The following KDM4C variants were observed in gnomAD, a reference collection of about 807,000 sequenced individuals.
KDM4C encodes lysine demethylase 4C.
KDM4C carries 81 observed loss-of-function variants against 129.3 expected under a neutral mutation model. That is an observed-to-expected ratio of 0.63 (90% CI 0.52 to 0.75). The LOEUF is 0.75. Among genes scored for constraint, KDM4C ranks in the 30% least tolerant of loss-of-function variants. The pLI, the probability that KDM4C is intolerant of heterozygous loss-of-function variation, is 0.00. For missense variants in KDM4C, 1,457 were observed against 1,304.0 expected (o/e 1.12, Z -1.81); for synonymous variants, 573 against 456.1 (o/e 1.26, Z -3.26).
At chr9:7,060,757 G>A (rs1014341722) in intron 17 of KDM4C, among the ~76,000 whole-genome samples, 2 of 152,148 alleles carry the variant, frequency 1.3e-5, no homozygotes, top group African/African-American at 4.8e-5. Flanking sequence ...TGGGATCATA[G>A]GTGTGAGCCA....
intron 15 of KDM4C, among the ~76,000 whole-genome samples, chr9:7,027,892 A>G (rs765090421): frequency 6.6e-6 from 1 of 152,204 alleles, no homozygotes; most frequent in Non-Finnish European, 1.5e-5. Flanking sequence ...CTCATGGAGA[A>G]TACTGCTGGG....
At chr9:6,985,164 A>G (rs1386750731) in intron 10 of KDM4C, among the ~76,000 whole-genome samples, 1 of 152,196 alleles carries the variant, frequency 6.6e-6, no homozygotes, top group Non-Finnish European at 1.5e-5. Context: ...TTATTCAGGA[A>G]TGTCAGCTGT....
At chr9:6,909,863 G>A (rs903239214) in intron 8 of KDM4C, among the ~76,000 whole-genome samples, 2 of 152,106 alleles carry the variant, frequency 1.3e-5, no homozygotes, top group Non-Finnish European at 2.9e-5. Flanking sequence ...TCCTTGAGTG[G>A]AGCAAGACTT....
intron 1 of KDM4C, among the ~76,000 whole-genome samples, chr9:6,784,716 G>T (rs1825106872): frequency 6.6e-6 from 1 of 152,218 alleles, no homozygotes; most frequent in African/African-American, 2.4e-5. Context: ...AATAAAAGCT[G>T]CTTGGACTTG....
At chr9:7,019,791 T>TATTTTTATATATAAAAATATTA (rs1563993611) in intron 15 of KDM4C, among the ~76,000 whole-genome samples, 1 of 58,502 alleles carries the variant, frequency 1.7e-5, no homozygotes, top group Non-Finnish European at 4.2e-5. Context: ...TAAAAATATT[T>TATTTTTATATATAAAAATATTA]TAGAAGCAAA....
intron 5 of KDM4C, among the ~76,000 whole-genome samples, chr9:6,865,896 G>T (rs996223386): frequency 9.9e-5 from 15 of 151,648 alleles, no homozygotes; most frequent in Admixed American, 9.2e-4. Context: ...GACTACAGGC[G>T]CCCGCCACCA....
At chr9:6,953,357 A>G (rs930448530) in intron 8 of KDM4C, among the ~76,000 whole-genome samples, 3 of 152,206 alleles carry the variant, frequency 2.0e-5, no homozygotes, top group African/African-American at 7.2e-5. Flanking sequence ...TGAGAGATTT[A>G]AACATAATTT....
chr9:6,788,498 C>A (rs1358495745), intron 1 of KDM4C, among the ~76,000 whole-genome samples: 1 of 152,194 alleles, frequency 6.6e-6, no homozygotes, highest in Non-Finnish European at 1.5e-5. Context: ...CTTTACCAGT[C>A]ATGCAAGTGA....
At chr9:7,027,700 G>C (rs1051264771) in intron 15 of KDM4C, among the ~76,000 whole-genome samples, 2 of 152,200 alleles carry the variant, frequency 1.3e-5, no homozygotes, top group African/African-American at 2.4e-5. Flanking sequence ...TGTGGGCCCA[G>C]GTGCGTACTG....
intron 15 of KDM4C, among the ~76,000 whole-genome samples, chr9:7,044,740 T>C (rs1564032959): frequency 6.6e-6 from 1 of 151,964 alleles, no homozygotes; most frequent in Non-Finnish European, 1.5e-5. Flanking sequence ...GTGTGAGCCA[T>C]TGGCCTATAG....
intron 17 of KDM4C, among the ~76,000 whole-genome samples, chr9:7,059,559 G>C (rs1001728977): frequency 6.6e-6 from 1 of 152,114 alleles, no homozygotes; most frequent in African/African-American, 2.4e-5. Context: ...TTGAAGTTTT[G>C]GTGAAGTATC....
intron 4 of KDM4C, chr9:6,835,240 C>T: frequency 1.1e-6 from 1 of 910,832 alleles, no homozygotes; most frequent in Non-Finnish European, 1.9e-6. Context: ...ACTCTTCCAG[C>T]TTTCCTTCCT....
chr9:7,013,918 A>G lies in KDM4C; in HGVS notation c.2099A>G (p.Tyr700Cys). ...ATTTATAGTGAAGAAAATATAGAAT[A>G]TTCTCCACCCAATGCCTTCCTTGAA... The part of the protein sequence containing the change: ...CFIYSEENIE[Y>C]SPPNAFLEED... Residue 700 changes from tyrosine to cysteine, a missense_variant, in exon 14 of 22, where the codon TAT (tyrosine) becomes TGT (cysteine). Transcript: ENST00000381309. 2 of 1,613,998 alleles carry G rather than the reference A, an allele frequency of 1.2e-6. No homozygotes were observed. The highest frequency in any genetic ancestry group is 1.7e-6 in the Non-Finnish European group (2 of 1,179,884).
At chr9:6,962,584 C>T (rs1830216942) in intron 8 of KDM4C, among the ~76,000 whole-genome samples, 1 of 152,020 alleles carries the variant, frequency 6.6e-6, no homozygotes, top group South Asian at 2.1e-4. Context: ...TACATTTTCA[C>T]ATAGTAAATT....
chr9:6,932,693 C>A (rs1435231729), intron 8 of KDM4C, among the ~76,000 whole-genome samples: 1 of 152,166 alleles, frequency 6.6e-6, no homozygotes, highest in Non-Finnish European at 1.5e-5. Flanking sequence ...CATTTCTACT[C>A]CTTCATTGGT....
chr9:7,163,939 G>A (rs980546749), intron 19 of KDM4C, among the ~76,000 whole-genome samples: 13 of 152,086 alleles, frequency 8.5e-5, no homozygotes, highest in African/African-American at 2.2e-4. Context: ...ATGAACAGCC[G>A]GGCCTTCCAT....
chr9:6,871,398 T>C (rs1447035535), intron 5 of KDM4C, among the ~76,000 whole-genome samples: 1 of 152,212 alleles, frequency 6.6e-6, no homozygotes, highest in African/African-American at 2.4e-5. Flanking sequence ...TTGTTTTCCT[T>C]GGCCTTCAAA....
At chr9:7,077,004 C>G in intron 17 of KDM4C, 1 of 985,520 alleles carries the variant, frequency 1.0e-6, no homozygotes, top group Non-Finnish European at 1.2e-6. Context: ...CTATGTCTGT[C>G]AGCCTGAATC....
chr9:6,893,944 T>A lies in KDM4C; in HGVS notation c.921+712T>A, dbSNP rs555780828. On this transcript the variant is annotated intron_variant, in intron 8 of 21. Coordinates refer to ENST00000381309, the MANE Select transcript of KDM4C (RefSeq NM_015061.6). ...GGTTTGCTTCCTTTCCTGTGGCTTT[T>A]AAGGGAAAGGTGCAGGCTGGCAGAG... is the stretch of plus-strand genomic sequence containing the variant. Among the ~76,000 whole-genome samples, 9 of 152,332 alleles carry A rather than the reference T, an allele frequency of 5.9e-5. No individual in the cohort carries two copies. The South Asian group carries it at 1.4e-3, about 25-fold the overall frequency.
Sources: gnomAD v4.1 joint callset for allele counts (sites outside exome capture counted in the v4.1 genomes callset) on GRCh38, gnomAD v4.1.1 for gene constraint, MANE v1.5 for transcripts, NCBI Gene and HGNC (gene_info 2026-07-23, HGNC 2026-07-21) for gene names.